Variants in ADAM22 observed in about 807,000 individuals in gnomAD.
ADAM22 encodes disintegrin and metalloproteinase domain-containing protein 22.
ADAM22 carries 65 observed loss-of-function variants against 144.6 expected under a neutral mutation model. That is an observed-to-expected ratio of 0.45 (90% CI 0.37 to 0.55). The LOEUF is 0.55. Among genes scored for constraint, ADAM22 ranks in the 20% least tolerant of loss-of-function variants. The pLI is 0.00. For synonymous variants in ADAM22, 391 were observed against 412.6 expected (o/e 0.95, Z 0.63); for missense variants, 974 against 1,184.9 (o/e 0.82, Z 2.61).
At position 88,193,211 on chromosome 7, in the gene ADAM22, A is replaced by G; in HGVS notation, c.2846A>G (p.Asp949Gly). The change falls in exon 31 of 32, where the codon GAC becomes GGC. Residue 949 changes from aspartate to glycine, a missense_variant. Around this residue, in one of 2 missense-constraint regions of ADAM22, gnomAD observed 734 missense variants for 950.6 expected, o/e 0.77. Transcript: ENST00000413139. ...CCAATGCCTCCACTTCCTGATGAGG[A>G]CAAGAAAGTGAACCGACAAAGTGCC... ...PYPMPPLPDEDKKVNRQSARL... is the reference protein window; with the variant it reads ...PYPMPPLPDEGKKVNRQSARL... 6.2e-7 allele frequency: 1 copy of G among 1,614,114 alleles called. No homozygotes were observed. The highest frequency in any genetic ancestry group is 8.5e-7 in the Non-Finnish European group (1 of 1,179,968).
chr7:88,168,686 G>A (rs1252276746), intron 25 of ADAM22, among the ~76,000 whole-genome samples: 1 of 152,082 alleles, frequency 6.6e-6, no homozygotes, highest in Non-Finnish European at 1.5e-5. Context: ...CTTATGATGT[G>A]AAAAATTTCT....
chr7:88,078,839 A>G (rs1405998398), intron 4 of ADAM22, among the ~76,000 whole-genome samples: 10 of 152,258 alleles, frequency 6.6e-5, no homozygotes, highest in Admixed American at 2.0e-4. Context: ...AAGAAATATG[A>G]GACTATGTGA....
chr7:87,934,329 AC>A lies in ADAM22; in HGVS notation c.-136del. 1.4e-6 allele frequency: 1 copy of A among 717,332 alleles called. No individual in the cohort carries two copies. Among genetic ancestry groups the A allele is most frequent in the Non-Finnish European group, 2.2e-6 (1 of 462,626 alleles). The allele number at this position is 717,332 out of a possible 1,614,324, so 44.4% of individuals were successfully genotyped here. ...GAGCCGCGGTGGAGGTTGCAGCGCC[AC>A]GGCCGCCGCAGCACCGGCCGGGGCT... On this transcript the variant is annotated 5_prime_UTR_variant, in exon 1 of 32. Transcript: ENST00000413139.
intron 2 of ADAM22, among the ~76,000 whole-genome samples, chr7:87,965,839 G>T (rs1848927356): frequency 6.6e-6 from 1 of 152,208 alleles, no homozygotes; most frequent in Non-Finnish European, 1.5e-5. Flanking sequence ...AGCTGGCAGA[G>T]ACAATTCTTA....
At chr7:88,016,567 C>T (rs1470300127) in intron 3 of ADAM22, among the ~76,000 whole-genome samples, 1 of 152,042 alleles carries the variant, frequency 6.6e-6, no homozygotes, top group East Asian at 1.9e-4. Context: ...TTTATACTTC[C>T]TAAAAACAGT....
chr7:87,990,951 A>G (rs1789688323), intron 3 of ADAM22, among the ~76,000 whole-genome samples: 1 of 152,234 alleles, frequency 6.6e-6, no homozygotes, highest in African/African-American at 2.4e-5. Context: ...GACGTGAGCC[A>G]CCACACCCAG....
At chr7:88,050,231 A>AC (rs1400601648) in intron 3 of ADAM22, among the ~76,000 whole-genome samples, 1 of 150,332 alleles carries the variant, frequency 6.7e-6, no homozygotes, top group African/African-American at 2.4e-5. Context: ...TAAAAAAAAA[A>AC]AAAAAAAAAA....
intron 1 of ADAM22, 44 bp from the exon 2 acceptor site, chr7:87,934,982 C>A (rs776967819): frequency 6.2e-7 from 1 of 1,612,708 alleles, no homozygotes. Context: ...TCATTATTTT[C>A]GCCTTTTCTC....
chr7:88,017,787 A>C (rs971182578), intron 3 of ADAM22, among the ~76,000 whole-genome samples: 1 of 151,668 alleles, frequency 6.6e-6, no homozygotes. Context: ...GTGTGTGTAT[A>C]TATATATATG....
At chr7:88,075,036 G>C (rs1345002430) in intron 3 of ADAM22, among the ~76,000 whole-genome samples, 1 of 152,060 alleles carries the variant, frequency 6.6e-6, no homozygotes. Flanking sequence ...CATTAAAAGG[G>C]AAAGTTTTTC....
At chr7:88,107,720 G>C (rs939958145) in intron 4 of ADAM22, among the ~76,000 whole-genome samples, 1 of 151,916 alleles carries the variant, frequency 6.6e-6, no homozygotes, top group Non-Finnish European at 1.5e-5. Flanking sequence ...CAAGAGGCTA[G>C]GAATACAGGT....
chr7:88,090,724 G>T (rs891478985), intron 4 of ADAM22, among the ~76,000 whole-genome samples: 1 of 151,934 alleles, frequency 6.6e-6, no homozygotes, highest in African/African-American at 2.4e-5. Flanking sequence ...CCATAAGTAG[G>T]GTTCACCATA....
At chr7:87,977,274 T>G (rs1313106821) in intron 2 of ADAM22, among the ~76,000 whole-genome samples, 1 of 152,194 alleles carries the variant, frequency 6.6e-6, no homozygotes, top group Non-Finnish European at 1.5e-5. Flanking sequence ...TCACCTAATC[T>G]CATAGTTTAC....
At chr7:88,030,950 AC>A (rs1400480203) in intron 3 of ADAM22, among the ~76,000 whole-genome samples, 1 of 152,088 alleles carries the variant, frequency 6.6e-6, no homozygotes. Flanking sequence ...CCCCATCTCT[AC>A]TAAAAATACA....
chr7:88,162,474 C>T (rs1483481148), intron 22 of ADAM22, among the ~76,000 whole-genome samples: 1 of 151,980 alleles, frequency 6.6e-6, no homozygotes, highest in Non-Finnish European at 1.5e-5. Context: ...ACATGTACCC[C>T]TGAACATAAA....
intron 5 of ADAM22, among the ~76,000 whole-genome samples, chr7:88,111,071 A>G (rs1825920187): frequency 6.6e-6 from 1 of 151,814 alleles, no homozygotes; most frequent in Non-Finnish European, 1.5e-5. Flanking sequence ...GTTTTTATTT[A>G]AAACTAAATA....
intron 30 of ADAM22, among the ~76,000 whole-genome samples, chr7:88,191,863 G>A (rs1325751683): frequency 2.6e-5 from 4 of 152,142 alleles, no homozygotes; most frequent in African/African-American, 9.7e-5. Flanking sequence ...AATCTATCAA[G>A]AATGTTCACT....
chr7:87,973,530 C>T lies in ADAM22; in HGVS notation c.247-4806C>T, dbSNP rs548560920. 1.2e-4 allele frequency among the ~76,000 whole-genome samples: 19 copies of T among 152,038 alleles called. No individual in the cohort carries two copies. In the East Asian group the frequency reaches 1.4e-3, roughly 11 times the overall value. On this transcript the variant is annotated intron_variant, in intron 2 of 31. Transcript: ENST00000413139. ...TCAACCATTGTGGAAGTCAGTGTGG[C>T]GATTCCTCAGGGATCTAGAACTAGA...
At chr7:88,128,461 G>A in intron 8 of ADAM22, 141 bp from the exon 9 acceptor site, 1 of 671,170 alleles carries the variant, frequency 1.5e-6, no homozygotes, top group South Asian at 1.6e-5. Context: ...CAGAAACTAA[G>A]CAAATTGATG....
Sources: allele counts gnomAD v4.1 joint callset (sites outside exome capture counted in the v4.1 genomes callset), GRCh38; gene constraint gnomAD v4.1.1; regional missense constraint gnomAD v4.1.1; transcripts MANE v1.5; gene names NCBI Gene and HGNC (gene_info 2026-07-23, HGNC 2026-07-21).